DMAP1: variants seen among roughly 807,000 people sequenced by gnomAD.
The protein encoded by DMAP1 is DNA methyltransferase 1-associated protein 1.
In DMAP1, 26 loss-of-function variants were observed where a neutral mutation model predicts 52.7. The ratio of observed to expected loss-of-function variants is 0.49; its 90% CI spans 0.36 to 0.68. The LOEUF (loss-of-function observed/expected upper bound fraction) is 0.68. Ranked by LOEUF, DMAP1 falls within the 30% of genes least tolerant of loss-of-function variation. DMAP1 has a pLI of 0.00. For synonymous variants in DMAP1, 231 were observed against 246.0 expected (o/e 0.94, Z 0.57); for missense variants, 439 against 625.2 (o/e 0.70, Z 3.18).
Position 44,219,387 on chromosome 1 carries a change from A to G in DMAP1, c.907-19A>G, listed in dbSNP as rs2154314402. ...CTCTCCCTGTGACACCTTGGTCTCCATAATGCCTTCTCCCCCAGGCTGTTC... is the reference window on the plus strand; with the variant it reads ...CTCTCCCTGTGACACCTTGGTCTCCGTAATGCCTTCTCCCCCAGGCTGTTC... On this transcript the variant is annotated intron_variant, in intron 6 of 9. Transcript: ENST00000372289. The G allele has an allele frequency of 1.3e-6, 2 of 1,567,778 alleles. No homozygotes were observed. The highest frequency in any genetic ancestry group is 1.7e-4 in the Middle Eastern group (1 of 5,804).
At chr1:44,216,805 C>G (rs1343394740) in intron 3 of DMAP1, 1 of 152,140 alleles carries the variant, frequency 6.6e-6, no homozygotes, top group African/African-American at 2.4e-5. Context: ...AGGAGGAGGC[C>G]AGGTCATTTA....
chr1:44,214,901 A>T lies in DMAP1; in HGVS notation c.393+3A>T. The T allele has an allele frequency of 6.2e-7, 1 of 1,614,090 alleles. No homozygotes were observed. Among genetic ancestry groups the T allele is most frequent in the Non-Finnish European group, 8.5e-7 (1 of 1,180,004 alleles). Reference sequence around the variant, plus strand: ...ACCCCTTTGCCAGGTTCAATAAGGTAAGCTACCTTCATTCGGACACAGGCC... The same window carrying T: ...ACCCCTTTGCCAGGTTCAATAAGGTTAGCTACCTTCATTCGGACACAGGCC... On this transcript the variant is annotated splice_donor_region_variant and intron_variant, in intron 3 of 9. Coordinates refer to ENST00000372289, the MANE Select transcript of DMAP1 (RefSeq NM_019100.5).
chr1:44,214,691 C>A lies in DMAP1; in HGVS notation c.198-12C>A. ...GATTCTAACCTCGCATCTCCCTAAA[C>A]CTCCCTGCCAGGGATGCACCCCCAC... On this transcript the variant is annotated splice_polypyrimidine_tract_variant and intron_variant, in intron 2 of 9. Transcript: ENST00000372289. The A allele has an allele frequency of 1.2e-6, 2 of 1,611,304 alleles. No homozygotes were observed. The highest frequency in any genetic ancestry group is 2.2e-5 in the South Asian group (2 of 91,038).
Position 44,218,808 on chromosome 1 carries a change from G to A in DMAP1, c.720+53G>A. 3 of 1,551,090 alleles carry A rather than the reference G, an allele frequency of 1.9e-6. No individual in the cohort carries two copies. The highest frequency in any genetic ancestry group is 1.9e-5 in the Admixed American group (1 of 53,286). On this transcript the variant is annotated intron_variant, in intron 5 of 9. Transcript: ENST00000372289. This position sits in a 1 kb window ranked among gnomAD's most constrained non-coding sequence, Gnocchi z 5.6. ...CCATGCCCCAAACCCCTTGCTCATT[G>A]TCTCCATCCTCCATCCCCTCAACTC...
intron 7 of DMAP1, 25 bp from the exon 8 acceptor site, chr1:44,219,781 C>T: frequency 8.7e-6 from 14 of 1,613,332 alleles, no homozygotes; most frequent in Non-Finnish European, 1.2e-5. Context: ...CTGGGACAGG[C>T]TTAGCTTGCC....
chr1:44,217,052 C>T (rs1643808365), intron 3 of DMAP1: 1 of 152,146 alleles, frequency 6.6e-6, no homozygotes, highest in Admixed American at 6.5e-5. Flanking sequence ...TGGTGAAGGA[C>T]ATTTTTCTAT....
chr1:44,220,345 C>A, intron 9 of DMAP1, 36 bp downstream of exon 9: 4 of 1,525,564 alleles, frequency 2.6e-6, no homozygotes, highest in Non-Finnish European at 3.5e-6. Flanking sequence ...CACGCCTGGG[C>A]CCTGCGAGTG....
chr1:44,218,285 CCTA>C lies in DMAP1; in HGVS notation c.394-23_394-21del. On this transcript the variant is annotated intron_variant, in intron 3 of 9. Transcript: ENST00000372289. The surrounding 1 kb of genome is among the most constrained non-coding windows in gnomAD (Gnocchi z 5.6). ...GGACATGACATCATGCGGGCATGCC[CCTA>C]CTGTGTCCCTCTGTGCTAGTAGACT... 1 of 1,614,234 alleles carries C rather than the reference CCTA, an allele frequency of 6.2e-7. No individual in the cohort carries two copies. Among genetic ancestry groups the C allele is most frequent in the Non-Finnish European group, 8.5e-7 (1 of 1,180,034 alleles).
At chr1:44,220,527 C>A (rs779237435) in intron 9 of DMAP1, 32 bp from the exon 10 acceptor site, 28 of 1,614,202 alleles carry the variant, frequency 1.7e-5, no homozygotes, top group Non-Finnish European at 2.3e-5. Flanking sequence ...CTTGGGGGGT[C>A]ACTGACCTCA....
At position 44,219,362 on chromosome 1, in the gene DMAP1, C is replaced by G. The variant is rs921066243; in HGVS notation, c.907-44C>G. The G allele has an allele frequency of 5.2e-6, 8 of 1,548,324 alleles. No homozygotes were observed. The African/African-American group carries it at 8.3e-5, about 16-fold the overall frequency. On this transcript the variant is annotated intron_variant, in intron 6 of 9. Coordinates refer to ENST00000372289, the MANE Select transcript of DMAP1 (RefSeq NM_019100.5). ...GGGGTGCTAGGACTAACCCTGGGCC[C>G]TCTCCCTGTGACACCTTGGTCTCCA...
At chr1:44,219,318 G>C in intron 6 of DMAP1, 77 bp downstream of exon 6, 2 of 1,566,508 alleles carry the variant, frequency 1.3e-6, no homozygotes, top group Non-Finnish European at 1.7e-6. Context: ...GGAGGGTTCT[G>C]AGAGTACCCA....
In DMAP1 at chr1:44,214,996, G is replaced by A. The variant is rs760256051; in HGVS notation, c.393+98G>A. 5.8e-6 allele frequency: 8 copies of A among 1,378,436 alleles called. No individual in the cohort carries two copies. In the East Asian group the frequency reaches 9.7e-5, roughly 17 times the overall value. 85.4% of individuals were successfully genotyped at this position (1,378,436 alleles called of 1,614,324 possible). A position where few individuals can be genotyped will look rare whatever the true frequency, so the allele number is the denominator to read the frequency against. On this transcript the variant is annotated intron_variant, in intron 3 of 9. Coordinates refer to ENST00000372289, the MANE Select transcript of DMAP1 (RefSeq NM_019100.5). ...CTCCTAGGGTTGGTTCTGGGGGCAC[G>A]CTTATGCCCAACTGTGATTACCCAC...
Position 44,218,782 on chromosome 1 carries a change from T to G in DMAP1, c.720+27T>G. ...TAAGCCCAAGGCCACATACCTGTCC[T>G]CCATGCCCCAAACCCCTTGCTCATT... On this transcript the variant is annotated intron_variant, in intron 5 of 9. Transcript: ENST00000372289. The surrounding 1 kb of genome is among the most constrained non-coding windows in gnomAD (Gnocchi z 5.6). 2.5e-6 allele frequency: 4 copies of G among 1,575,286 alleles called. No individual in the cohort carries two copies. The highest frequency in any genetic ancestry group is 3.5e-6 in the Non-Finnish European group (4 of 1,155,932).
At chr1:44,215,016 AC>A in intron 3 of DMAP1, 118 bp downstream of exon 3, 1 of 1,179,862 alleles carries the variant, frequency 8.5e-7, no homozygotes, top group Non-Finnish European at 1.2e-6. Flanking sequence ...AACTGTGATT[AC>A]CCACTCAATC....
At position 44,214,813 on chromosome 1, in the gene DMAP1, C is replaced by T. The variant is rs372962895; in HGVS notation, c.308C>T (p.Pro103Leu). Reference sequence around the variant, plus strand: ...TGGAAGTGGATGCCATTCACCAACCCGGCCCGCAAGGACGGAGCAATGTTC... The same window carrying T: ...TGGAAGTGGATGCCATTCACCAACCTGGCCCGCAAGGACGGAGCAATGTTC... ...RPWKWMPFTN[P>L]ARKDGAMFFH... The change falls in exon 3 of 10, where the codon CCG becomes CTG. Residue 103 changes from proline (P) to leucine (L), a missense_variant. By Grantham distance (98) the Pro-to-Leu change is moderately conservative. Coordinates refer to ENST00000372289, the MANE Select transcript of DMAP1 (RefSeq NM_019100.5). 35 of 1,614,066 alleles carry T rather than the reference C, an allele frequency of 2.2e-5. 1 individual carries two copies. The highest frequency in any genetic ancestry group is 2.1e-4 in the African/African-American group (16 of 74,936).
intron 3 of DMAP1, chr1:44,215,667 G>A (rs149442758): frequency 4.8e-5 from 10 of 206,744 alleles, no homozygotes; most frequent in Non-Finnish European, 8.0e-5. Flanking sequence ...GTCTGAGAAC[G>A]TGGCATTTGA....
rs1290628454 is a variant in DMAP1, at chr1:44,213,874, G to A, written c.105+16G>A. ...CCCGGACAAGGTAGCAGGGGCACCT[G>A]AAAGCGTTGACTAGGGGAGGGTAGG... On this transcript the variant is annotated intron_variant, in intron 1 of 9. Coordinates refer to ENST00000372289, the MANE Select transcript of DMAP1 (RefSeq NM_019100.5). The surrounding 1 kb of genome is among the most constrained non-coding windows in gnomAD (Gnocchi z 4.5). The A allele has an allele frequency of 2.6e-6, 4 of 1,566,382 alleles. No individual in the cohort carries two copies. The highest frequency in any genetic ancestry group is 3.5e-6 in the Non-Finnish European group (4 of 1,155,562).
intron 3 of DMAP1, chr1:44,215,539 G>T: frequency 3.0e-6 from 1 of 329,188 alleles, no homozygotes; most frequent in Non-Finnish European, 6.0e-6. Flanking sequence ...GAAATAAATT[G>T]GAGTCTTTCA....
rs781630711 is a variant in DMAP1 at position 44,220,102 on chromosome 1, G to A, written c.1137G>A (p.Gln379=). 2 of 1,612,350 alleles carry A rather than the reference G, an allele frequency of 1.2e-6. No homozygotes were observed. The highest frequency in any genetic ancestry group is 4.5e-5 in the East Asian group (2 of 44,830). Residue 379 remains glutamine, a synonymous_variant, in exon 9 of 10, where the codon CAG becomes CAA. Coordinates refer to ENST00000372289, the MANE Select transcript of DMAP1 (RefSeq NM_019100.5). The stretch of plus-strand genomic sequence containing the variant: ...TGGTGCTGCTCTACGAGCTCAAGCA[G>A]GCCTGTGCCAACTGCGAGTATGAGC... ...SDLVLLYELK[Q]ACANCEYELQ...
Sources: gnomAD v4.1 joint callset for allele counts on GRCh38, gnomAD v4.1.1 for gene constraint, Gnocchi (gnomAD v3.1) non-coding constraint, MANE v1.5 for transcripts, NCBI Gene and HGNC (gene_info 2026-07-23, HGNC 2026-07-21) for gene names.